The following RANBP2 variants were observed in gnomAD, a reference collection of about 807,000 sequenced individuals.
The protein encoded by RANBP2 is E3 SUMO-protein ligase RanBP2.
Under a neutral mutation model 303.6 loss-of-function variants are expected in RANBP2, and 57 were observed. That is an observed-to-expected ratio of 0.19 (90% CI 0.15 to 0.23). The LOEUF is 0.23. Ranked by LOEUF, RANBP2 falls within the 10% of genes least tolerant of loss-of-function variation. The pLI is 1.00. For synonymous variants in RANBP2, 1,167 were observed against 1,301.5 expected, an observed-to-expected ratio of 0.90 and a Z score of 2.23; for missense variants, 3,138 against 3,780.8, an observed-to-expected ratio of 0.83 and a Z score of 4.46.
the RANBP2 span, among the ~76,000 whole-genome samples, chr2:109,681,267 A>G: frequency 1.3e-5 from 2 of 152,218 alleles, no homozygotes; most frequent in African/African-American, 4.8e-5. Context: ...GGTTTCTCAG[A>G]AGGGGCGCTC....
the RANBP2 span, among the ~76,000 whole-genome samples, chr2:109,021,458 G>A: frequency 2.0e-5 from 3 of 149,062 alleles, no homozygotes; most frequent in African/African-American, 7.4e-5. Context: ...GGGAGGCGGA[G>A]CTTTCAGTGA....
At chr2:109,601,676 A>G in the RANBP2 span, among the ~76,000 whole-genome samples, 1 of 152,060 alleles carries the variant, frequency 6.6e-6, no homozygotes, top group Non-Finnish European at 1.5e-5. Flanking sequence ...TGACCCTTCC[A>G]GTTTTCATAA....
chr2:109,458,601 A>AGAGAGAGAGAG, the RANBP2 span, among the ~76,000 whole-genome samples: 14 of 148,994 alleles, frequency 9.4e-5, no homozygotes, highest in South Asian at 2.1e-4. Context: ...AGAGAGAGAG[A>AGAGAGAGAGAG]ATTTATTTAT....
At chr2:108,888,128 G>T in the RANBP2 span, among the ~76,000 whole-genome samples, 1 of 151,890 alleles carries the variant, frequency 6.6e-6, no homozygotes, top group Admixed American at 6.6e-5. Context: ...TGATCATATG[G>T]TTTTTTTCCT....
chr2:109,562,196 C>T, the RANBP2 span, among the ~76,000 whole-genome samples: 1 of 151,508 alleles, frequency 6.6e-6, no homozygotes, highest in Non-Finnish European at 1.5e-5. Context: ...CTGGGCAACA[C>T]AGTGAGACTC....
At chr2:109,767,345 G>GT in the RANBP2 span, among the ~76,000 whole-genome samples, 1 of 148,862 alleles carries the variant, frequency 6.7e-6, no homozygotes, top group African/African-American at 2.5e-5. Flanking sequence ...TCATAGTCCA[G>GT]CAGACAAATA....
chr2:109,483,518 A>G, the RANBP2 span, among the ~76,000 whole-genome samples: 1 of 152,200 alleles, frequency 6.6e-6, no homozygotes, highest in Admixed American at 6.5e-5. Flanking sequence ...CTGTGGGTTG[A>G]GGTGGCATAT....
At chr2:109,262,464 A>C in the RANBP2 span, among the ~76,000 whole-genome samples, 2 of 152,216 alleles carry the variant, frequency 1.3e-5, no homozygotes, top group Non-Finnish European at 2.9e-5. Flanking sequence ...AAGAGCCCAT[A>C]GGACAGTGTC....
At chr2:109,496,597 C>A in the RANBP2 span, among the ~76,000 whole-genome samples, 1 of 152,212 alleles carries the variant, frequency 6.6e-6, no homozygotes, top group African/African-American at 2.4e-5. Flanking sequence ...TGCTTCTCCC[C>A]AGATGTTCAC....
At chr2:109,555,882 C>T in the RANBP2 span, among the ~76,000 whole-genome samples, 2 of 152,188 alleles carry the variant, frequency 1.3e-5, no homozygotes, top group Admixed American at 1.3e-4. Flanking sequence ...TGTGTTCATC[C>T]TCCTTCGTTC....
chr2:109,331,851 C>T, the RANBP2 span, among the ~76,000 whole-genome samples: 17,446 of 152,126 alleles, frequency 0.11, 1,222 homozygotes, highest in East Asian at 0.24. Flanking sequence ...CTGTCATGCC[C>T]CTGGGGTCTC....
At chr2:109,593,739 T>C in the RANBP2 span, among the ~76,000 whole-genome samples, 2 of 152,114 alleles carry the variant, frequency 1.3e-5, no homozygotes, top group African/African-American at 4.8e-5. Context: ...AGCCAAGAAG[T>C]CCCTCAAAAT....
chr2:109,251,438 C>T, the RANBP2 span: 1 of 715,430 alleles, frequency 1.4e-6, no homozygotes, highest in Admixed American at 1.8e-5. Context: ...AAAGCTCACC[C>T]TCCCGAGTTG....
Position 108,782,240 on chromosome 2 carries a change from T to C in RANBP2, c.8873T>C (p.Ile2958Thr), listed in dbSNP as rs1678303223. 3 of 1,614,172 alleles carry C rather than the reference T, an allele frequency of 1.9e-6. No individual in the cohort carries two copies. The highest frequency in any genetic ancestry group is 1.1e-5 in the South Asian group (1 of 91,086). The change falls in exon 27 of 29, where the codon ATA becomes ACA. Residue 2958 changes from isoleucine to threonine, a missense_variant. By Grantham distance (89) the Ile-to-Thr change is moderately conservative. Transcript: ENST00000283195. ...SQWKERGVGD[I>T]KILWHTMKNY... ...TGGAAGGAGCGCGGTGTTGGAGATA[T>C]AAAGATTCTTTGGCATACAATGAAG...
the RANBP2 span, among the ~76,000 whole-genome samples, chr2:108,925,240 A>C: frequency 1.3e-5 from 2 of 152,206 alleles, no homozygotes; most frequent in African/African-American, 4.8e-5. Flanking sequence ...ATTGTCTGTA[A>C]ACATTGGCTG....
chr2:109,118,633 C>G, the RANBP2 span, among the ~76,000 whole-genome samples: 1 of 151,992 alleles, frequency 6.6e-6, no homozygotes, highest in African/African-American at 2.4e-5. Flanking sequence ...GGGCAGACCC[C>G]TGCAGCTAAT....
chr2:109,106,723 G>C, the RANBP2 span, among the ~76,000 whole-genome samples: 1 of 152,046 alleles, frequency 6.6e-6, no homozygotes, highest in South Asian at 2.1e-4. Context: ...TGTAGTCCCA[G>C]CTACTCAGGA....
the RANBP2 span, chr2:109,613,896 C>CG: frequency 2.5e-6 from 3 of 1,196,770 alleles, no homozygotes; most frequent in East Asian, 1.0e-4. Flanking sequence ...CCGGCGACGG[C>CG]GGCGGGAAGG....
At chr2:108,994,341 A>G in the RANBP2 span, among the ~76,000 whole-genome samples, 3 of 152,190 alleles carry the variant, frequency 2.0e-5, no homozygotes, top group African/African-American at 7.2e-5. Flanking sequence ...CCAGGGTTTG[A>G]GACGGCCCCC....
Sources: gnomAD v4.1 joint callset for allele counts (sites outside exome capture counted in the v4.1 genomes callset) on GRCh38, gnomAD v4.1.1 for gene constraint, MANE v1.5 for transcripts, NCBI Gene and HGNC (gene_info 2026-07-23, HGNC 2026-07-21) for gene names.